Variants in THSD7A observed in about 807,000 individuals in gnomAD.
THSD7A encodes the protein thrombospondin type 1 domain containing 7A.
THSD7A carries 96 observed loss-of-function variants against 231.3 expected under a neutral mutation model. The observed-to-expected ratio is 0.41, with a 90% CI of 0.35 to 0.49. THSD7A has a LOEUF of 0.49. Ranked by LOEUF, THSD7A falls within the 20% of genes least tolerant of loss-of-function variation. The probability of loss-of-function intolerance (pLI) is 0.05; values close to 1 mark genes in which losing one functional copy is unlikely to be tolerated. For synonymous variants in THSD7A, 940 were observed against 743.3 expected, an observed-to-expected ratio of 1.26 and a Z score of -4.30; for missense variants, 2,290 against 2,070.2, an observed-to-expected ratio of 1.11 and a Z score of -2.06.
chr7:11,543,043 G>T lies in THSD7A; in HGVS notation c.1528C>A (p.Pro510Thr). 1.2e-6 allele frequency: 2 copies of T among 1,613,750 alleles called. No individual in the cohort carries two copies. The highest frequency in any genetic ancestry group is 1.7e-6 in the Non-Finnish European group (2 of 1,179,714). The change falls in exon 5 of 28, where the codon CCA becomes ACA. Residue 510 changes from proline (P) to threonine (T), a missense_variant. Pro to Thr is a conservative substitution (Grantham distance 38). Coordinates refer to ENST00000423059, the MANE Select transcript of THSD7A (RefSeq NM_015204.3). The stretch of plus-strand genomic sequence containing the variant: ...CAAGGTGAAACTTCACATTCAGTTG[G>T]ACAAGGAATGTGGCACAGCTGTGTA... ...NTTQLCHIPC[P>T]TECEVSPWSA...
Position 11,379,298 on chromosome 7 carries a change from G to T in THSD7A, c.4591-18C>A. 3 of 1,611,016 alleles carry T rather than the reference G, an allele frequency of 1.9e-6. No individual in the cohort carries two copies. The highest frequency in any genetic ancestry group is 1.7e-4 in the Middle Eastern group (1 of 6,042). On this transcript the variant is annotated intron_variant, in intron 25 of 27. Coordinates refer to ENST00000423059, the MANE Select transcript of THSD7A (RefSeq NM_015204.3). ...GTTTTTGTCTGCAGGAGAACAAGAAGATTTATACTAGCCATGCAAGGAATC... is the reference window on the plus strand; with the variant it reads ...GTTTTTGTCTGCAGGAGAACAAGAATATTTATACTAGCCATGCAAGGAATC...
chr7:11,702,218 T>C (rs1780626020), intron 1 of THSD7A, among the ~76,000 whole-genome samples: 1 of 151,260 alleles, frequency 6.6e-6, no homozygotes, highest in Non-Finnish European at 1.5e-5. Context: ...TCTGGTATGA[T>C]GTGGCTGGGT....
At chr7:11,448,710 G>A (rs1023589565) in intron 11 of THSD7A, among the ~76,000 whole-genome samples, 1 of 152,090 alleles carries the variant, frequency 6.6e-6, no homozygotes, top group Non-Finnish European at 1.5e-5. Flanking sequence ...TTTTAGCAAG[G>A]CAAGATTTTC....
At chr7:11,431,407 T>C (rs1784474262) in intron 13 of THSD7A, among the ~76,000 whole-genome samples, 1 of 152,152 alleles carries the variant, frequency 6.6e-6, no homozygotes, top group African/African-American at 2.4e-5. Flanking sequence ...ACTTCATTCT[T>C]TTGCATGTGG....
At chr7:11,783,950 C>A (rs544113136) in intron 1 of THSD7A, among the ~76,000 whole-genome samples, 1 of 152,024 alleles carries the variant, frequency 6.6e-6, no homozygotes, top group Non-Finnish European at 1.5e-5. Flanking sequence ...ATTACCAATA[C>A]ATAGGCTCAC....
intron 6 of THSD7A, among the ~76,000 whole-genome samples, chr7:11,518,691 A>C (rs1416075053): frequency 6.6e-6 from 1 of 152,154 alleles, no homozygotes. Flanking sequence ...TTTGCTATGC[A>C]TGTGCTATGT....
At chr7:11,512,959 A>ATATATATATATATATATATATATG (rs1449312863) in intron 6 of THSD7A, among the ~76,000 whole-genome samples, 13 of 142,566 alleles carry the variant, frequency 9.1e-5, no homozygotes, top group Non-Finnish European at 1.7e-4. Context: ...ATATATATAT[A>ATATATATATATATATATATATATG]TGTAAAATAC....
At position 11,401,916 on chromosome 7, in the gene THSD7A, A is replaced by G. The variant is rs372878914; in HGVS notation, c.4290T>C (p.Cys1430=). Residue 1430 remains cysteine (C), a synonymous_variant, in exon 23 of 28, where the codon TGT becomes TGC. Transcript: ENST00000423059. ...WSSWSLCQLT[C]VNGEDLGFGG... ...CAAAGCCTAGATCCTCACCATTCACACAGGTCAGCTGACACAGGCTCCAGG... is the reference window on the plus strand; with the variant it reads ...CAAAGCCTAGATCCTCACCATTCACGCAGGTCAGCTGACACAGGCTCCAGG... The G allele has an allele frequency of 3.2e-5, 51 of 1,613,688 alleles. No individual in the cohort carries two copies. Among genetic ancestry groups the G allele is most frequent in the Non-Finnish European group, 3.8e-5 (45 of 1,179,840 alleles).
At chr7:11,511,271 A>G (rs1787797118) in intron 6 of THSD7A, among the ~76,000 whole-genome samples, 1 of 152,190 alleles carries the variant, frequency 6.6e-6, no homozygotes, top group South Asian at 2.1e-4. Context: ...CCACTGCTCA[A>G]CGAAATAAAA....
At chr7:11,466,082 CTGTTT>C (rs1302105294) in intron 9 of THSD7A, among the ~76,000 whole-genome samples, 2 of 152,066 alleles carry the variant, frequency 1.3e-5, no homozygotes, top group African/African-American at 4.8e-5. Flanking sequence ...TCCTACTATT[CTGTTT>C]TATTTTGTGC....
chr7:11,434,145 A>G (rs1297681470), intron 13 of THSD7A, among the ~76,000 whole-genome samples: 1 of 152,008 alleles, frequency 6.6e-6, no homozygotes, highest in Non-Finnish European at 1.5e-5. Context: ...ACACCAAACA[A>G]TCATGGGGGA....
At chr7:11,627,885 A>T (rs1781523496) in intron 2 of THSD7A, among the ~76,000 whole-genome samples, 1 of 152,072 alleles carries the variant, frequency 6.6e-6, no homozygotes, top group Admixed American at 6.6e-5. Flanking sequence ...AACTGATTGG[A>T]AAAAGATAGT....
At chr7:11,571,121 G>A (rs113338359) in intron 4 of THSD7A, among the ~76,000 whole-genome samples, 7 of 152,044 alleles carry the variant, frequency 4.6e-5, no homozygotes, top group African/African-American at 1.5e-4. Context: ...GGTCAGGACT[G>A]GTATTACATT....
intron 1 of THSD7A, among the ~76,000 whole-genome samples, chr7:11,715,394 A>C (rs531785662): frequency 1.3e-5 from 2 of 151,578 alleles, no homozygotes; most frequent in Admixed American, 1.3e-4. Context: ...TGCAGGAAAA[A>C]AATGAAGAAT....
chr7:11,717,180 G>C (rs1781168702), intron 1 of THSD7A, among the ~76,000 whole-genome samples: 1 of 151,656 alleles, frequency 6.6e-6, no homozygotes, highest in Admixed American at 6.6e-5. Flanking sequence ...AGGTCTGATT[G>C]CAGGAACGCT....
In THSD7A at chr7:11,781,180, C is replaced by T. The variant is rs1015865849; in HGVS notation, c.190+50577G>A. On this transcript the variant is annotated intron_variant, in intron 1 of 27. Coordinates refer to ENST00000423059, the MANE Select transcript of THSD7A (RefSeq NM_015204.3). ...GGGAGGCCAGGTGCAGTGGCTCATG[C>T]CTGTAATCTCAACACTTTGGAAGGC... is the stretch of plus-strand genomic sequence containing the variant. Among the ~76,000 whole-genome samples the T allele has an allele frequency of 3.3e-5, 5 of 151,986 alleles. No homozygotes were observed. In the South Asian group the frequency reaches 1.0e-3, roughly 32 times the overall value.
At chr7:11,794,573 A>G (rs1465844522) in intron 1 of THSD7A, among the ~76,000 whole-genome samples, 2 of 151,962 alleles carry the variant, frequency 1.3e-5, no homozygotes, top group Non-Finnish European at 2.9e-5. Flanking sequence ...ACTAATCCAC[A>G]GCGTGAAGCA....
chr7:11,569,170 A>G (rs1453474690), intron 4 of THSD7A, among the ~76,000 whole-genome samples: 2 of 152,292 alleles, frequency 1.3e-5, no homozygotes, highest in African/African-American at 4.8e-5. Flanking sequence ...CAGGTAACAG[A>G]AACAAAAACT....
At chr7:11,407,935 T>G (rs7794645) in intron 19 of THSD7A, among the ~76,000 whole-genome samples, 60,653 of 151,918 alleles carry the variant, frequency 0.4, 12,545 homozygotes, top group African/African-American at 0.51. Flanking sequence ...TCAGCTATCT[T>G]TTAAAAAAAG....
Sources: gnomAD v4.1 joint callset for allele counts (sites outside exome capture counted in the v4.1 genomes callset) on GRCh38, gnomAD v4.1.1 for gene constraint, MANE v1.5 for transcripts, NCBI Gene and HGNC (gene_info 2026-07-23, HGNC 2026-07-21) for gene names.